The following ZCCHC2 variants were observed in gnomAD, a reference collection of about 807,000 sequenced individuals.
ZCCHC2 encodes the protein zinc finger CCHC domain-containing protein 2.
In ZCCHC2, 39 loss-of-function variants were observed where a neutral mutation model predicts 103.6. The observed-to-expected ratio is 0.38, with a 90% CI of 0.29 to 0.49. The LOEUF (loss-of-function observed/expected upper bound fraction) is 0.49. Ranked by LOEUF, ZCCHC2 falls within the 20% of genes least tolerant of loss-of-function variation. ZCCHC2 has a pLI of 0.96. For missense variants in ZCCHC2, 1,483 were observed against 1,491.0 expected, an observed-to-expected ratio of 0.99 and a Z score of 0.09; for synonymous variants, 687 against 608.9, an observed-to-expected ratio of 1.13 and a Z score of -1.89.
intron 1 of ZCCHC2, chr18:62,526,389 G>A (rs1914397346): frequency 6.6e-6 from 1 of 152,288 alleles, no homozygotes; most frequent in South Asian, 2.1e-4. Context: ...TTCTCCAGCA[G>A]TTGTTTAGGG....
At position 62,523,228 on chromosome 18, in the gene ZCCHC2, G is replaced by C. The variant is rs1188836473; in HGVS notation, c.-197G>C. The C allele has an allele frequency of 1.1e-5, 3 of 277,552 alleles. No individual in the cohort carries two copies. The highest frequency in any genetic ancestry group is 3.5e-4 in the East Asian group (2 of 5,648). The allele number at this position is 277,552 out of a possible 1,614,324, so 17.2% of individuals were successfully genotyped here. ...CGCGGGCACGCCCCGCCCCCAGCCC[G>C]GGAAGACGACGCCAGCGACCCCGCC... On this transcript the variant is annotated 5_prime_UTR_variant, in exon 1 of 14. Transcript: ENST00000269499.
chr18:62,526,683 C>T (rs568920991), intron 1 of ZCCHC2, among the ~76,000 whole-genome samples: 2 of 152,252 alleles, frequency 1.3e-5, no homozygotes, highest in East Asian at 1.9e-4. Flanking sequence ...GCCCAAAGCT[C>T]GCGCGCCCCT....
intron 12 of ZCCHC2, among the ~76,000 whole-genome samples, chr18:62,570,481 TAATG>T (rs1306494492): frequency 6.6e-6 from 1 of 152,238 alleles, no homozygotes; most frequent in Non-Finnish European, 1.5e-5. Flanking sequence ...GACAGGATCA[TAATG>T]AGGTAGAGTT....
intron 1 of ZCCHC2, among the ~76,000 whole-genome samples, chr18:62,534,734 A>G (rs1021918702): frequency 2.6e-5 from 4 of 152,266 alleles, no homozygotes; most frequent in South Asian, 2.1e-4. Flanking sequence ...GGGAGACGGC[A>G]TGGTCACATG....
chr18:62,545,590 G>A (rs118049848), intron 4 of ZCCHC2, among the ~76,000 whole-genome samples: 46 of 152,132 alleles, frequency 3.0e-4, no homozygotes, highest in Admixed American at 8.5e-4. Context: ...TGATTTTATC[G>A]AAAAGTGAAT....
At chr18:62,538,006 CA>C (rs546678950) in intron 1 of ZCCHC2, among the ~76,000 whole-genome samples, 102 of 152,242 alleles carry the variant, frequency 6.7e-4, no homozygotes, top group African/African-American at 2.2e-3. Context: ...CTAATGAAAA[CA>C]TTTTTTTCAT....
chr18:62,565,514 T>C (rs529621419), intron 11 of ZCCHC2, among the ~76,000 whole-genome samples: 2 of 152,274 alleles, frequency 1.3e-5, no homozygotes, highest in African/African-American at 4.8e-5. Context: ...TAACCATCCT[T>C]TGCGAAGTTT....
chr18:62,566,045 G>T (rs1277615631), intron 11 of ZCCHC2, among the ~76,000 whole-genome samples: 1 of 152,142 alleles, frequency 6.6e-6, no homozygotes, highest in Non-Finnish European at 1.5e-5. Context: ...AGGAGCTCGA[G>T]ACCAGCCTGA....
intron 9 of ZCCHC2, among the ~76,000 whole-genome samples, chr18:62,563,763 A>G (rs901729192): frequency 1.3e-5 from 2 of 152,230 alleles, no homozygotes; most frequent in African/African-American, 4.8e-5. Flanking sequence ...TCTTGAAAGA[A>G]TTAGAATTCA....
intron 11 of ZCCHC2, among the ~76,000 whole-genome samples, chr18:62,567,959 A>AAAAAAAAAAAAAAAAAAAAT: frequency 1.3e-5 from 2 of 148,910 alleles, no homozygotes; most frequent in Non-Finnish European, 1.5e-5. Flanking sequence ...AAAAAAAAAA[A>AAAAAAAAAAAAAAAAAAAAT]GAATGCTCAT....
chr18:62,524,601 C>G (rs1055183707), intron 1 of ZCCHC2: 2 of 538,838 alleles, frequency 3.7e-6, no homozygotes, highest in South Asian at 3.6e-5. Flanking sequence ...ACAGAATGCT[C>G]TAGAAGTCCC....
At chr18:62,555,156 A>C (rs1208204366) in intron 5 of ZCCHC2, among the ~76,000 whole-genome samples, 4 of 152,204 alleles carry the variant, frequency 2.6e-5, no homozygotes, top group Non-Finnish European at 5.9e-5. Flanking sequence ...TGGCTTGTTT[A>C]GGGTGCTTCA....
At chr18:62,564,111 G>T (rs1174949028) in intron 9 of ZCCHC2, among the ~76,000 whole-genome samples, 1 of 152,172 alleles carries the variant, frequency 6.6e-6, no homozygotes, top group Non-Finnish European at 1.5e-5. Flanking sequence ...CATATTCTGA[G>T]AAATTATAAA....
chr18:62,534,704 A>G (rs1914845135), intron 1 of ZCCHC2, among the ~76,000 whole-genome samples: 2 of 152,356 alleles, frequency 1.3e-5, no homozygotes, highest in Admixed American at 6.5e-5. Flanking sequence ...AATGATTGAA[A>G]TTCACTGGTG....
intron 1 of ZCCHC2, chr18:62,539,459 T>G (rs1915077729): frequency 2.4e-6 from 1 of 425,360 alleles, no homozygotes; most frequent in African/African-American, 2.0e-5. Flanking sequence ...TTAAGCAATT[T>G]CCTGTGTCCC....
intron 9 of ZCCHC2, 106 bp from the exon 10 acceptor site, chr18:62,564,465 T>G (rs1916258396): frequency 1.2e-6 from 1 of 809,344 alleles, no homozygotes; most frequent in South Asian, 2.5e-5. Context: ...TCAACACTTG[T>G]TAGAATATAC....
intron 7 of ZCCHC2, 100 bp from the exon 8 acceptor site, chr18:62,560,487 A>G (rs898795980): frequency 7.7e-6 from 7 of 906,220 alleles, no homozygotes; most frequent in South Asian, 1.7e-5. Flanking sequence ...GCTTCATACC[A>G]TCTGTCACCA....
chr18:62,527,321 A>G (rs1423691082), intron 1 of ZCCHC2, among the ~76,000 whole-genome samples: 15 of 152,106 alleles, frequency 9.9e-5, no homozygotes, highest in Admixed American at 3.3e-4. Context: ...TTTAATGCCA[A>G]TTTTATATTA....
chr18:62,582,047 A>C (rs897354427), downstream of ZCCHC2, among the ~76,000 whole-genome samples: 1 of 152,252 alleles, frequency 6.6e-6, no homozygotes, highest in African/African-American at 2.4e-5. Context: ...GCCATAGTAA[A>C]GGGAAAATTA....
Sources: allele counts gnomAD v4.1 joint callset (sites outside exome capture counted in the v4.1 genomes callset), GRCh38; gene constraint gnomAD v4.1.1; transcripts MANE v1.5; gene names NCBI Gene and HGNC (gene_info 2026-07-23, HGNC 2026-07-21).